ARHGAP42: variants seen among roughly 807,000 people sequenced by gnomAD.
ARHGAP42 encodes the protein rho GTPase-activating protein 42.
ARHGAP42 carries 63 observed loss-of-function variants against 125.0 expected under a neutral mutation model. The observed-to-expected ratio is 0.50, with a 90% confidence interval of 0.41 to 0.62. The LOEUF (loss-of-function observed/expected upper bound fraction) is 0.62, where lower values mean the gene tolerates loss of function less well. ARHGAP42 is among the 20% of genes least tolerant of loss of function. The probability of loss-of-function intolerance (pLI) is 0.00; values close to 1 mark genes in which losing one functional copy is unlikely to be tolerated. For missense variants in ARHGAP42, 766 were observed against 1,024.2 expected (o/e 0.75, Z 3.44); for synonymous variants, 339 against 351.0 (o/e 0.97, Z 0.38).
At chr11:100,935,341 T>A (rs1213303990) in intron 7 of ARHGAP42, among the ~76,000 whole-genome samples, 1 of 152,146 alleles carries the variant, frequency 6.6e-6, no homozygotes, top group African/African-American at 2.4e-5. Flanking sequence ...CCTATTGATT[T>A]TTATGAGTTA....
intron 5 of ARHGAP42, among the ~76,000 whole-genome samples, chr11:100,913,961 G>A (rs1216525906): frequency 6.6e-6 from 1 of 152,158 alleles, no homozygotes; most frequent in Non-Finnish European, 1.5e-5. Flanking sequence ...TTGAGATGGA[G>A]TTTGGCTGTG....
chr11:100,703,532 A>G (rs1030460844), intron 1 of ARHGAP42, among the ~76,000 whole-genome samples: 2 of 152,232 alleles, frequency 1.3e-5, no homozygotes, highest in African/African-American at 4.8e-5. Flanking sequence ...TAATGCTTCT[A>G]TTAGATGTTA....
At chr11:100,770,542 G>C in intron 2 of ARHGAP42, 104 bp downstream of exon 2, 1 of 898,420 alleles carries the variant, frequency 1.1e-6, no homozygotes, top group East Asian at 2.8e-5. Flanking sequence ...TTCTGACTTT[G>C]ACAATACTAT....
intron 2 of ARHGAP42, among the ~76,000 whole-genome samples, chr11:100,787,261 G>A (rs535213689): frequency 1.1e-4 from 17 of 151,596 alleles, no homozygotes; most frequent in South Asian, 4.2e-4. Context: ...CTGGGGAACA[G>A]AGTGAGACTC....
At chr11:100,770,508 T>A in intron 2 of ARHGAP42, 70 bp downstream of exon 2, 1 of 1,028,066 alleles carries the variant, frequency 9.7e-7, no homozygotes, top group Non-Finnish European at 1.4e-6. Flanking sequence ...GACACACACC[T>A]AAATAATAAA....
intron 3 of ARHGAP42, among the ~76,000 whole-genome samples, chr11:100,833,511 A>T (rs1864710438): frequency 2.6e-5 from 4 of 152,312 alleles, no homozygotes; most frequent in South Asian, 4.1e-4. Flanking sequence ...GCTGGGTTGC[A>T]GTCATCTCAA....
intron 3 of ARHGAP42, among the ~76,000 whole-genome samples, chr11:100,850,970 C>A (rs1258645516): frequency 6.6e-6 from 1 of 151,226 alleles, no homozygotes; most frequent in Non-Finnish European, 1.5e-5. Context: ...CAACCTCCGC[C>A]ACCCAGGTTC....
intron 4 of ARHGAP42, among the ~76,000 whole-genome samples, chr11:100,866,227 C>T (rs1865566581): frequency 1.3e-5 from 2 of 152,152 alleles, no homozygotes; most frequent in Non-Finnish European, 2.9e-5. Flanking sequence ...GTCTTGTCTT[C>T]AGGCTCCACT....
At chr11:100,979,383 A>G (rs1212085095) in intron 22 of ARHGAP42, among the ~76,000 whole-genome samples, 2 of 152,222 alleles carry the variant, frequency 1.3e-5, no homozygotes, top group Admixed American at 6.5e-5. Context: ...TTTAAAAGTT[A>G]TATAACTTTT....
At chr11:100,833,191 A>G (rs1211743318) in intron 3 of ARHGAP42, among the ~76,000 whole-genome samples, 1 of 152,212 alleles carries the variant, frequency 6.6e-6, no homozygotes, top group Non-Finnish European at 1.5e-5. Flanking sequence ...TGAGGTTTGT[A>G]CATTTTGGTT....
intron 3 of ARHGAP42, among the ~76,000 whole-genome samples, chr11:100,836,718 T>G (rs80184253): frequency 1.4e-5 from 2 of 142,810 alleles, no homozygotes; most frequent in East Asian, 4.4e-4. Flanking sequence ...GTTTTTTTTT[T>G]GTTGTTGTTT....
chr11:100,906,288 T>C (rs78422851), intron 4 of ARHGAP42, among the ~76,000 whole-genome samples: 7,992 of 152,248 alleles, frequency 0.052, 380 homozygotes, highest in East Asian at 0.25. Flanking sequence ...TATTTTTATT[T>C]TACCCTCAAC....
In ARHGAP42 at chr11:100,913,567, A is replaced by G. The variant is rs1453434830; in HGVS notation, c.486+14A>G. On this transcript the variant is annotated intron_variant, in intron 5 of 23. Coordinates refer to ENST00000298815, the MANE Select transcript of ARHGAP42 (RefSeq NM_152432.4). ...CATTTACAAGAGGTAAGCTTTTCCAACTGAAATAATGGAAAAGGCATTAAG... is the reference window on the plus strand; with the variant it reads ...CATTTACAAGAGGTAAGCTTTTCCAGCTGAAATAATGGAAAAGGCATTAAG... The G allele has an allele frequency of 2.4e-6, 3 of 1,249,768 alleles. No homozygotes were observed. The highest frequency in any genetic ancestry group is 1.3e-5 in the South Asian group (1 of 74,706). The allele number at this position is 1,249,768 out of a possible 1,614,324, so 77.4% of individuals were successfully genotyped here.
intron 1 of ARHGAP42, among the ~76,000 whole-genome samples, chr11:100,731,018 TG>T (rs1471204179): frequency 2.0e-5 from 3 of 152,264 alleles, no homozygotes; most frequent in African/African-American, 7.2e-5. Context: ...TTTTGGCTTT[TG>T]CTATATGATG....
intron 6 of ARHGAP42, among the ~76,000 whole-genome samples, chr11:100,924,548 T>C (rs1867367362): frequency 6.6e-6 from 1 of 151,878 alleles, no homozygotes; most frequent in Non-Finnish European, 1.5e-5. Flanking sequence ...GTGCCTGTCA[T>C]CTAAGCTACT....
At position 100,891,824 on chromosome 11, in the gene ARHGAP42, G is replaced by A. The variant is rs147873242; in HGVS notation, c.385-21628G>A. On this transcript the variant is annotated intron_variant, in intron 4 of 23. Transcript: ENST00000298815. ...AGTAAATGCCGAGTTAGAGGTACAC[G>A]TAGGTATGAAGTGCCTTGTGGACAT... is the stretch of plus-strand genomic sequence containing the variant. Among the ~76,000 whole-genome samples the A allele has an allele frequency of 3.4e-3, 525 of 152,212 alleles. 4 individuals carry two copies. Among genetic ancestry groups the A allele is most frequent in the African/African-American group, 0.011 (462 of 41,516 alleles).
chr11:100,706,499 T>TA (rs1287080989), intron 1 of ARHGAP42, among the ~76,000 whole-genome samples: 1 of 152,206 alleles, frequency 6.6e-6, no homozygotes, highest in Non-Finnish European at 1.5e-5. Context: ...TATGTAGACT[T>TA]ACCAGAAAGA....
chr11:100,782,619 C>A (rs375289551), intron 2 of ARHGAP42, among the ~76,000 whole-genome samples: 1 of 151,368 alleles, frequency 6.6e-6, no homozygotes, highest in South Asian at 2.1e-4. Context: ...AGGCCTAAGA[C>A]GTAAAAGAAA....
rs886581783 is a variant in ARHGAP42, at chr11:100,847,990, T to C, written c.313-11564T>C. ...CTTATCTTGAAATGTAAGATTAAGT[T>C]GGTTGAGTCTGTCTTTGCTCCTTTT... is the stretch of plus-strand genomic sequence containing the variant. On this transcript the variant is annotated intron_variant, in intron 3 of 23. Transcript: ENST00000298815. 3.3e-5 allele frequency among the ~76,000 whole-genome samples: 5 copies of C among 152,258 alleles called. No individual in the cohort carries two copies. The East Asian group carries it at 7.7e-4, about 24-fold the overall frequency.
Sources: gnomAD v4.1 joint callset for allele counts (sites outside exome capture counted in the v4.1 genomes callset) on GRCh38, gnomAD v4.1.1 for gene constraint, MANE v1.5 for transcripts, NCBI Gene and HGNC (gene_info 2026-07-23, HGNC 2026-07-21) for gene names.